The following PHLDB3 variants were observed in gnomAD, a reference collection of about 807,000 sequenced individuals.
PHLDB3 encodes the protein pleckstrin homology-like domain family B member 3.
A neutral mutation model predicts 85.7 loss-of-function variants in PHLDB3; 86 were observed. That is an observed-to-expected ratio of 1.00 (90% CI 0.84 to 1.20). The LOEUF (loss-of-function observed/expected upper bound fraction) is 1.20, where lower values mean the gene tolerates loss of function less well. Among genes scored for constraint, PHLDB3 ranks in the 50% most tolerant of loss-of-function variants. The pLI, the probability that PHLDB3 is intolerant of heterozygous loss-of-function variation, is 0.00. For missense variants in PHLDB3, 995 were observed against 873.0 expected, an observed-to-expected ratio of 1.14 and a Z score of -1.76; for synonymous variants, 376 against 349.8, an observed-to-expected ratio of 1.07 and a Z score of -0.83.
chr19:43,487,650 T>A (rs1048865925), intron 9 of PHLDB3, among the ~76,000 whole-genome samples: 3 of 143,296 alleles, frequency 2.1e-5, no homozygotes, highest in Admixed American at 7.0e-5. Flanking sequence ...AAATGGGAAG[T>A]AGAATTGTGG....
At chr19:43,497,095 A>G in intron 6 of PHLDB3, 23 bp downstream of exon 6, 2 of 1,431,580 alleles carry the variant, frequency 1.4e-6, no homozygotes, top group East Asian at 2.7e-5. Context: ...CAAGGGGGGC[A>G]GCGCTGGTCA....
chr19:43,487,111 G>A lies in PHLDB3; in HGVS notation c.1162C>T (p.Leu388Phe), dbSNP rs1971187719. The stretch of plus-strand genomic sequence containing the variant: ...CGGGGCAGGCTCCCAGTCCTCTGGA[G>A]GCCAATGGAGCCCTGAAAACACAAA... ...VHSSLQGSIG[L>F]QRTGSLPRKR... The change falls in exon 10 of 16, where the codon CTC (leucine) becomes TTC (phenylalanine). Residue 388 changes from leucine (L) to phenylalanine (F), a missense_variant. Coordinates refer to ENST00000292140, the MANE Select transcript of PHLDB3 (RefSeq NM_198850.4). 1 of 1,561,830 alleles carries A rather than the reference G, an allele frequency of 6.4e-7. No homozygotes were observed.
intron 13 of PHLDB3, among the ~76,000 whole-genome samples, chr19:43,481,435 A>G (rs1168390106): frequency 2.6e-5 from 4 of 152,186 alleles, no homozygotes; most frequent in African/African-American, 9.6e-5. Flanking sequence ...CCTGACCAAC[A>G]TGGAGAAACC....
At chr19:43,499,218 A>G (rs1250735798) in intron 4 of PHLDB3, among the ~76,000 whole-genome samples, 1 of 151,992 alleles carries the variant, frequency 6.6e-6, no homozygotes, top group Non-Finnish European at 1.5e-5. Flanking sequence ...ACGGGCTTGG[A>G]GGTGAGAGAC....
chr19:43,494,829 G>T lies in PHLDB3; in HGVS notation c.1036-14C>A. On this transcript the variant is annotated splice_polypyrimidine_tract_variant and intron_variant, in intron 8 of 15. Transcript: ENST00000292140. ...GGTGAACAGCAGCTGCAAGAGATGG[G>T]GTGAAGTTTCGTGGGAGCAGGAGAG... is the stretch of plus-strand genomic sequence containing the variant. The T allele has an allele frequency of 1.2e-6, 2 of 1,601,054 alleles. No individual in the cohort carries two copies. The highest frequency in any genetic ancestry group is 1.1e-5 in the South Asian group (1 of 89,112).
chr19:43,502,247 G>C lies in PHLDB3; in HGVS notation c.250C>G (p.Pro84Ala). ...ATPPIAMAAT[P>A]PASTSSREGV... ...TCCCGCGAAGAGGTGGATGCGGGAG[G>C]TGTGGCCGCCATAGCTATCGGAGGC... Residue 84 changes from proline to alanine, a missense_variant, in exon 3 of 16, where the codon CCT becomes GCT. Physicochemically the swap from Pro to Ala is conservative, Grantham distance 27 (BLOSUM62 -1). Transcript: ENST00000292140. 1 of 1,564,886 alleles carries C rather than the reference G, an allele frequency of 6.4e-7. No individual in the cohort carries two copies. Among genetic ancestry groups the C allele is most frequent in the Non-Finnish European group, 8.6e-7 (1 of 1,157,292 alleles).
chr19:43,475,613 C>T, intron 15 of PHLDB3, 69 bp from the exon 16 acceptor site: 1 of 1,586,534 alleles, frequency 6.3e-7, no homozygotes, highest in Non-Finnish European at 8.6e-7. Flanking sequence ...GCGAACCCAG[C>T]CTTGCTACTT....
At chr19:43,482,036 T>C (rs1006355290) in intron 13 of PHLDB3, among the ~76,000 whole-genome samples, 2 of 152,170 alleles carry the variant, frequency 1.3e-5, no homozygotes, top group Non-Finnish European at 2.9e-5. Context: ...AAGCTCCCGC[T>C]CTGTGTCAGG....
At chr19:43,483,389 C>T (rs1971087816) in intron 13 of PHLDB3, among the ~76,000 whole-genome samples, 1 of 151,954 alleles carries the variant, frequency 6.6e-6, no homozygotes, top group Non-Finnish European at 1.5e-5. Context: ...AATCCTCCCA[C>T]CTTAGCCTTT....
chr19:43,503,198 CTCTG>C (rs1215463097), intron 2 of PHLDB3, among the ~76,000 whole-genome samples: 1 of 152,050 alleles, frequency 6.6e-6, no homozygotes, highest in African/African-American at 2.4e-5. Context: ...GTCTCTGGGT[CTCTG>C]TCTGGCTTCT....
chr19:43,492,782 T>C (rs1300575789), intron 9 of PHLDB3, among the ~76,000 whole-genome samples: 1 of 152,188 alleles, frequency 6.6e-6, no homozygotes, highest in Non-Finnish European at 1.5e-5. Context: ...CTCACAGATT[T>C]GTTGCAAAGA....
rs778046582 is a variant in PHLDB3, at chr19:43,486,368, G to T, written c.1429-46C>A. 3 of 1,550,932 alleles carry T rather than the reference G, an allele frequency of 1.9e-6. No individual in the cohort carries two copies. In the South Asian group the frequency reaches 3.6e-5, roughly 18 times the overall value. On this transcript the variant is annotated intron_variant, in intron 12 of 15. Coordinates refer to ENST00000292140, the MANE Select transcript of PHLDB3 (RefSeq NM_198850.4). ...ACTCAATGAGGATCCCAGCCCATAA[G>T]ATGGTAGGGTGGCTGGAGAATGTCC...
chr19:43,503,205 T>G (rs960360489), intron 2 of PHLDB3, among the ~76,000 whole-genome samples: 1 of 152,136 alleles, frequency 6.6e-6, no homozygotes, highest in African/African-American at 2.4e-5. Flanking sequence ...GGTCTCTGTC[T>G]GGCTTCTTGA....
chr19:43,501,787 G>A lies in PHLDB3; in HGVS notation c.481C>T (p.Leu161=), dbSNP rs962173449. 2 of 1,585,902 alleles carry A rather than the reference G, an allele frequency of 1.3e-6. No homozygotes were observed. The highest frequency in any genetic ancestry group is 1.7e-6 in the Non-Finnish European group (2 of 1,168,540). ...TCCGAGGCCGCCTGCTGCTCCAGCA[G>A]CTCCCGCAGCTGCTCCTCCTCCCGG... ...ARREEEQLRE[L]LEQQAASEQR... is the part of the protein sequence containing the mutation. Residue 161 remains leucine (L), a synonymous_variant, in exon 4 of 16, where the codon CTG becomes TTG. Coordinates refer to ENST00000292140, the MANE Select transcript of PHLDB3 (RefSeq NM_198850.4).
chr19:43,485,626 C>T (rs1482395727), intron 13 of PHLDB3, among the ~76,000 whole-genome samples: 3 of 148,356 alleles, frequency 2.0e-5, no homozygotes, highest in Non-Finnish European at 4.5e-5. Flanking sequence ...GGTACAATCT[C>T]GGCTCACTGC....
chr19:43,487,555 A>G (rs1272518413), intron 9 of PHLDB3, among the ~76,000 whole-genome samples: 1 of 131,000 alleles, frequency 7.6e-6, no homozygotes, highest in East Asian at 2.6e-4. Flanking sequence ...AGCCTGGGCG[A>G]CAGAGCAAGA....
At chr19:43,483,480 T>C (rs1001234271) in intron 13 of PHLDB3, among the ~76,000 whole-genome samples, 1 of 152,112 alleles carries the variant, frequency 6.6e-6, no homozygotes, top group Admixed American at 6.6e-5. Flanking sequence ...GGTCTGACTA[T>C]GTTGCCCAGG....
chr19:43,475,212 G>A lies in PHLDB3; in HGVS notation c.*198C>T. On this transcript the variant is annotated 3_prime_UTR_variant, in exon 16 of 16. Transcript: ENST00000292140. ...CCCGGGCAGGGCCTTAGGGGCCGGC[G>A]ATCCCGTCGGGGGCAAGGCACCTGC... is the stretch of plus-strand genomic sequence containing the variant. The A allele has an allele frequency of 1.5e-6, 1 of 673,172 alleles. No homozygotes were observed. The highest frequency in any genetic ancestry group is 2.4e-6 in the Non-Finnish European group (1 of 417,158). The allele number at this position is 673,172 out of a possible 1,614,324, so 41.7% of individuals were successfully genotyped here.
intron 4 of PHLDB3, among the ~76,000 whole-genome samples, chr19:43,500,638 ATTAAT>A (rs921834214): frequency 5.3e-5 from 8 of 152,086 alleles, no homozygotes; most frequent in South Asian, 2.1e-4. Context: ...CTAAGAACTT[ATTAAT>A]TTTTTATTTT....
Sources: gnomAD v4.1 joint callset for allele counts (sites outside exome capture counted in the v4.1 genomes callset) on GRCh38, gnomAD v4.1.1 for gene constraint, MANE v1.5 for transcripts, NCBI Gene and HGNC (gene_info 2026-07-23, HGNC 2026-07-21) for gene names.